The following GRAMD1B variants were observed in gnomAD, a reference collection of about 807,000 sequenced individuals.
GRAMD1B encodes the protein protein Aster-B.
GRAMD1B carries 37 observed loss-of-function variants against 99.7 expected under a neutral mutation model. That is an observed-to-expected ratio of 0.37 (90% CI 0.29 to 0.49). The LOEUF (loss-of-function observed/expected upper bound fraction) is 0.49. Ranked by LOEUF, GRAMD1B falls within the 20% of genes least tolerant of loss-of-function variation. GRAMD1B has a pLI of 0.98. For missense variants in GRAMD1B, 888 were observed against 1,009.2 expected, an observed-to-expected ratio of 0.88 and a Z score of 1.63; for synonymous variants, 427 against 387.6, an observed-to-expected ratio of 1.10 and a Z score of -1.19.
chr11:123,523,137 GC>G (rs1246008660), intron 2 of GRAMD1B, among the ~76,000 whole-genome samples: 2 of 152,156 alleles, frequency 1.3e-5, no homozygotes, highest in African/African-American at 4.8e-5. Context: ...TTCAAGACCA[GC>G]CTGGTCAACA....
In GRAMD1B at chr11:123,454,176, GATA is replaced by G. The variant is rs1413611794; in HGVS notation, c.374+23014_374+23016del. Among the ~76,000 whole-genome samples the G allele has an allele frequency of 2.0e-5, 3 of 152,206 alleles. No individual in the cohort carries two copies. The East Asian group carries it at 5.8e-4, about 29-fold the overall frequency. On this transcript the variant is annotated intron_variant, in intron 1 of 19. Coordinates refer to ENST00000635736, the MANE Select transcript of GRAMD1B (RefSeq NM_001387025.1). ...TCCTCTTACACACATTGGTCATCAT[GATA>G]ATACCTACCTTGAAGACTGGTTTGC...
chr11:123,365,172 C>A (rs1303728295), intron 1 of GRAMD1B, among the ~76,000 whole-genome samples: 1 of 152,132 alleles, frequency 6.6e-6, no homozygotes, highest in Non-Finnish European at 1.5e-5. Flanking sequence ...CAATAAGTGG[C>A]AAACCAATGT....
chr11:123,523,038 G>A (rs1181577765), intron 2 of GRAMD1B, among the ~76,000 whole-genome samples: 1 of 152,074 alleles, frequency 6.6e-6, no homozygotes, highest in Non-Finnish European at 1.5e-5. Context: ...GCAAATTAAG[G>A]CACTACAGTT....
chr11:123,458,929 C>T (rs1950284936), intron 1 of GRAMD1B: 1 of 151,676 alleles, frequency 6.6e-6, no homozygotes, highest in Non-Finnish European at 1.5e-5. Flanking sequence ...TAATTTCCCC[C>T]CAACTCTGAG....
At chr11:123,556,634 C>T (rs1029526170) in intron 2 of GRAMD1B, among the ~76,000 whole-genome samples, 3 of 152,182 alleles carry the variant, frequency 2.0e-5, no homozygotes, top group Admixed American at 2.0e-4. Context: ...TTCTGTATCT[C>T]TGAAGGAAAG....
intron 1 of GRAMD1B, among the ~76,000 whole-genome samples, chr11:123,391,098 T>C (rs979549529): frequency 1.3e-5 from 2 of 152,226 alleles, no homozygotes; most frequent in Admixed American, 6.5e-5. Context: ...CACATTTCTC[T>C]CTACCCAGCT....
intron 1 of GRAMD1B, among the ~76,000 whole-genome samples, chr11:123,450,132 C>T (rs1209013976): frequency 6.6e-6 from 1 of 152,132 alleles, no homozygotes; most frequent in Admixed American, 6.5e-5. Flanking sequence ...AGCACAAGCA[C>T]ATTGGGAACA....
intron 2 of GRAMD1B, among the ~76,000 whole-genome samples, chr11:123,572,678 A>G (rs1017449795): frequency 6.6e-6 from 1 of 152,154 alleles, no homozygotes; most frequent in Admixed American, 6.5e-5. Context: ...TTGGAGGGAG[A>G]GAGAGAGAGA....
intron 1 of GRAMD1B, among the ~76,000 whole-genome samples, chr11:123,395,701 A>G (rs530129822): frequency 6.6e-6 from 1 of 152,350 alleles, no homozygotes; most frequent in South Asian, 2.1e-4. Flanking sequence ...AAGAGATGAG[A>G]ATCTTTGTGG....
At chr11:123,506,773 C>G (rs1940479980) in intron 2 of GRAMD1B, among the ~76,000 whole-genome samples, 1 of 151,972 alleles carries the variant, frequency 6.6e-6, no homozygotes, top group Admixed American at 6.6e-5. Context: ...ACCCTGTTTT[C>G]TCTTTCATTC....
chr11:123,390,917 T>G (rs1184117037), intron 1 of GRAMD1B, among the ~76,000 whole-genome samples: 1 of 152,228 alleles, frequency 6.6e-6, no homozygotes, highest in African/African-American at 2.4e-5. Flanking sequence ...TTAACTCTCA[T>G]GCTCACTGCC....
In GRAMD1B at chr11:123,622,684, A is replaced by G. The variant is rs1177613104; in HGVS notation, c.*89A>G. On this transcript the variant is annotated 3_prime_UTR_variant, in exon 20 of 20. Coordinates refer to ENST00000635736, the MANE Select transcript of GRAMD1B (RefSeq NM_001387025.1). ...TATATATATAAATATATATATATACAGAATATAAATATATATATTATATAC... is the reference window on the plus strand; with the variant it reads ...TATATATATAAATATATATATATACGGAATATAAATATATATATTATATAC... The G allele has an allele frequency of 9.8e-6, 3 of 305,988 alleles. No homozygotes were observed. Among genetic ancestry groups the G allele is most frequent in the Non-Finnish European group, 1.7e-5 (3 of 174,202 alleles). The allele number at this position is 305,988 out of a possible 1,614,324, so 19.0% of individuals were successfully genotyped here. A position where few individuals can be genotyped will look rare whatever the true frequency, so the allele number is the denominator to read the frequency against.
intron 1 of GRAMD1B, among the ~76,000 whole-genome samples, chr11:123,433,246 C>T (rs7117641): frequency 0.021 from 3,215 of 151,982 alleles, 120 homozygotes; most frequent in African/African-American, 0.073. Context: ...GGTGTAGTAG[C>T]GGGTGCCTGT....
chr11:123,527,581 G>A (rs1344030846), intron 2 of GRAMD1B, among the ~76,000 whole-genome samples: 2 of 152,242 alleles, frequency 1.3e-5, no homozygotes, highest in Non-Finnish European at 2.9e-5. Context: ...CTTTCTGGGT[G>A]GGAGGCTATT....
chr11:123,361,895 G>A (rs897555757), intron 1 of GRAMD1B, among the ~76,000 whole-genome samples: 8 of 152,162 alleles, frequency 5.3e-5, no homozygotes, highest in African/African-American at 1.9e-4. Flanking sequence ...CTTAGGAAAC[G>A]GGATGGTAAG....
At chr11:123,370,931 C>T (rs543016610) in intron 1 of GRAMD1B, among the ~76,000 whole-genome samples, 22 of 152,130 alleles carry the variant, frequency 1.4e-4, no homozygotes, top group African/African-American at 5.1e-4. Flanking sequence ...TCACAAGGCG[C>T]TGAGCATGCT....
At chr11:123,405,634 T>G (rs1393773006) in intron 1 of GRAMD1B, among the ~76,000 whole-genome samples, 1 of 152,120 alleles carries the variant, frequency 6.6e-6, no homozygotes, top group Admixed American at 6.5e-5. Flanking sequence ...AGATACGGCC[T>G]GTACCAAGTC....
chr11:123,368,258 CAAAAAA>C (rs1024340450), intron 1 of GRAMD1B, among the ~76,000 whole-genome samples: 11 of 88,306 alleles, frequency 1.2e-4, no homozygotes, highest in African/African-American at 3.8e-4. Context: ...CATCTTAAAA[CAAAAAA>C]AAAAAAAAAA....
intron 3 of GRAMD1B, among the ~76,000 whole-genome samples, chr11:123,580,305 G>GAGGTTCTGGT (rs1028344573): frequency 1.3e-5 from 2 of 152,156 alleles, no homozygotes; most frequent in African/African-American, 4.8e-5. Flanking sequence ...GCAAAAAGAG[G>GAGGTTCTGGT]AGGTTCTGGT....
Sources: gnomAD v4.1 joint callset for allele counts (sites outside exome capture counted in the v4.1 genomes callset) on GRCh38, gnomAD v4.1.1 for gene constraint, MANE v1.5 for transcripts, NCBI Gene and HGNC (gene_info 2026-07-23, HGNC 2026-07-21) for gene names.